The following CNKSR2 variants were observed in gnomAD, a reference collection of about 807,000 sequenced individuals.
CNKSR2 encodes connector enhancer of kinase suppressor of Ras 2.
A neutral mutation model predicts 84.4 loss-of-function variants in CNKSR2; 14 were observed. The ratio of observed to expected loss-of-function variants is 0.17; its 90% CI spans 0.11 to 0.26. The LOEUF (loss-of-function observed/expected upper bound fraction) is 0.26. Ranked by LOEUF, CNKSR2 falls within the 10% of genes least tolerant of loss-of-function variation. CNKSR2 has a pLI of 1.00. For synonymous variants in CNKSR2, 275 were observed against 277.9 expected (o/e 0.99, Z 0.10); for missense variants, 485 against 771.2 (o/e 0.63, Z 4.40).
At position 21,635,028 on chromosome X, in the gene CNKSR2, C is replaced by T. The variant is rs181212555; in HGVS notation, c.2693-13803C>T. Among the ~76,000 whole-genome samples, 241 of 107,142 alleles carry T rather than the reference C, an allele frequency of 2.2e-3. 1 individual carries two copies. The highest frequency in any genetic ancestry group is 7.7e-3 in the African/African-American group (227 of 29,617). The allele number at this position is 107,142 out of a possible 115,157, so 93.0% of individuals were successfully genotyped here. A position where few individuals can be genotyped will look rare whatever the true frequency, so the allele number is the denominator to read the frequency against. On this transcript the variant is annotated intron_variant, in intron 20 of 21. Coordinates refer to ENST00000379510, the MANE Select transcript of CNKSR2 (RefSeq NM_014927.5). Reference sequence around the variant, plus strand: ...TTAGCTCCAGTATCATGTCATTCCTCACGATTCAATTAGGTAATAAAAGAG... The same window carrying T: ...TTAGCTCCAGTATCATGTCATTCCTTACGATTCAATTAGGTAATAAAAGAG...
intron 4 of CNKSR2, among the ~76,000 whole-genome samples, chrX:21,442,257 GA>G (rs1294542139): frequency 1.4e-3 from 136 of 96,998 alleles, no homozygotes; most frequent in Admixed American, 3.4e-3. Flanking sequence ...TGACACTTTT[GA>G]AAAAAAAAAA....
intron 4 of CNKSR2, among the ~76,000 whole-genome samples, chrX:21,448,069 G>A (rs2147099109): frequency 9.0e-6 from 1 of 111,472 alleles, no homozygotes; most frequent in African/African-American, 3.3e-5. Flanking sequence ...GTTTCCCAAA[G>A]GAAACACTGG....
chrX:21,512,243 G>C (rs1294139034), intron 8 of CNKSR2, among the ~76,000 whole-genome samples: 2 of 111,525 alleles, frequency 1.8e-5, no homozygotes, highest in Admixed American at 9.6e-5. Flanking sequence ...AGTAATATCA[G>C]CCTCACTTGG....
chrX:21,408,796 T>G (rs749549119), intron 1 of CNKSR2, among the ~76,000 whole-genome samples: 12 of 110,952 alleles, frequency 1.1e-4, no homozygotes, highest in African/African-American at 3.6e-4. Context: ...GAAGATGATG[T>G]CCATATATTT....
chrX:21,514,590 G>A lies in CNKSR2; in HGVS notation c.811-1895G>A, dbSNP rs760231111. ...AAATTTCACAGGAAAATACCATCTAGCCTTAAAAATCTTCAAATTTTATAA... is the reference window on the plus strand; with the variant it reads ...AAATTTCACAGGAAAATACCATCTAACCTTAAAAATCTTCAAATTTTATAA... On this transcript the variant is annotated intron_variant, in intron 8 of 21. Coordinates refer to ENST00000379510, the MANE Select transcript of CNKSR2 (RefSeq NM_014927.5). 7.2e-5 allele frequency among the ~76,000 whole-genome samples: 8 copies of A among 111,360 alleles called. No individual in the cohort carries two copies. The South Asian group carries it at 3.0e-3, about 41-fold the overall frequency.
intron 2 of CNKSR2, chrX:21,426,987 G>C (rs2090573930): frequency 4.3e-6 from 1 of 231,745 alleles, no homozygotes; most frequent in East Asian, 1.2e-4. Context: ...AGAAAGGAAA[G>C]AATATTGATT....
intron 1 of CNKSR2, among the ~76,000 whole-genome samples, chrX:21,383,675 CTT>C (rs774601868): frequency 5.9e-5 from 6 of 101,471 alleles, no homozygotes; most frequent in Admixed American, 1.1e-4. Context: ...TGCTCAATAT[CTT>C]TTTTTTTTTT....
At chrX:21,414,274 G>A (rs1168215085) in intron 1 of CNKSR2, among the ~76,000 whole-genome samples, 2 of 111,527 alleles carry the variant, frequency 1.8e-5, no homozygotes, top group Non-Finnish European at 3.8e-5. Flanking sequence ...TAACTGGGGT[G>A]AGATGCTATC....
intron 13 of CNKSR2, among the ~76,000 whole-genome samples, chrX:21,590,253 G>A (rs1005603969): frequency 9.8e-5 from 11 of 111,810 alleles, no homozygotes; most frequent in African/African-American, 3.6e-4. Flanking sequence ...GATACTGTCT[G>A]GCAAACCACA....
intron 12 of CNKSR2, 102 bp downstream of exon 12, chrX:21,561,662 C>T (rs1352336130): frequency 1.7e-6 from 1 of 573,187 alleles, no homozygotes; most frequent in Non-Finnish European, 2.8e-6. Flanking sequence ...AAAACTTATT[C>T]TATCATTGAC....
intron 20 of CNKSR2, chrX:21,644,952 T>C (rs373941672): frequency 1.8e-5 from 2 of 112,053 alleles, no homozygotes; most frequent in East Asian, 5.6e-4. Flanking sequence ...CCAAAGACTT[T>C]TTGGTATTTG....
chrX:21,439,872 C>G (rs896652943), intron 3 of CNKSR2, among the ~76,000 whole-genome samples: 5 of 110,359 alleles, frequency 4.5e-5, no homozygotes, highest in Non-Finnish European at 9.5e-5. Flanking sequence ...TCTATACCAT[C>G]TCTTCCGGAA....
Position 21,410,032 on chromosome X carries a change from C to CTGTGTG in CNKSR2, c.65-16437_65-16432dup, listed in dbSNP as rs60351010. On this transcript the variant is annotated intron_variant, in intron 1 of 21. Coordinates refer to ENST00000379510, the MANE Select transcript of CNKSR2 (RefSeq NM_014927.5). ...TCTAGAAACATAAGCCTAATTGTGT[C>CTGTGTG]TGTGTGTGTGTGTGTGTGTGTGTGT... 2.3e-3 allele frequency among the ~76,000 whole-genome samples: 221 copies of CTGTGTG among 97,685 alleles called. 2 individuals are homozygous for CTGTGTG. The highest frequency in any genetic ancestry group is 6.5e-3 in the African/African-American group (175 of 26,954). 84.8% of individuals were successfully genotyped at this position (97,685 alleles called of 115,157 possible). A position where few individuals can be genotyped will look rare whatever the true frequency, so the allele number is the denominator to read the frequency against.
intron 5 of CNKSR2, among the ~76,000 whole-genome samples, chrX:21,481,075 T>C (rs2091314599): frequency 8.9e-6 from 1 of 111,867 alleles, no homozygotes; most frequent in South Asian, 3.7e-4. Context: ...AGTATTTCCT[T>C]CTTAGGGAGG....
At chrX:21,420,480 C>G (rs1438236300) in intron 1 of CNKSR2, among the ~76,000 whole-genome samples, 3 of 111,781 alleles carry the variant, frequency 2.7e-5, no homozygotes, top group Non-Finnish European at 3.8e-5. Context: ...GGAATTGTGC[C>G]CCGTAGTCAA....
intron 3 of CNKSR2, among the ~76,000 whole-genome samples, chrX:21,437,643 C>T (rs2090726799): frequency 9.1e-6 from 1 of 109,563 alleles, no homozygotes; most frequent in Non-Finnish European, 1.9e-5. Flanking sequence ...TGGTCTTGAA[C>T]TCCTGACCTC....
chrX:21,582,501 T>C (rs2092359694), intron 13 of CNKSR2, among the ~76,000 whole-genome samples: 1 of 111,607 alleles, frequency 9.0e-6, no homozygotes. Context: ...GTAATGCATG[T>C]AGTAGGAGTA....
chrX:21,590,837 A>C (rs965808260), intron 14 of CNKSR2, 185 bp from the exon 15 acceptor site: 1 of 461,181 alleles, frequency 2.2e-6, no homozygotes, highest in Non-Finnish European at 3.6e-6. Flanking sequence ...GGTGTTACAT[A>C]TTTCTGATTA....
At chrX:21,580,812 C>G (rs777611565) in intron 13 of CNKSR2, among the ~76,000 whole-genome samples, 10 of 111,718 alleles carry the variant, frequency 9.0e-5, no homozygotes, top group Non-Finnish European at 1.9e-4. Flanking sequence ...ATCTGGTCCT[C>G]TCCATTTTTT....
Sources: gnomAD v4.1 joint callset for allele counts (sites outside exome capture counted in the v4.1 genomes callset) on GRCh38, gnomAD v4.1.1 for gene constraint, MANE v1.5 for transcripts, NCBI Gene and HGNC (gene_info 2026-07-23, HGNC 2026-07-21) for gene names.